KIF5C: variants seen among roughly 807,000 people sequenced by gnomAD.
KIF5C encodes the protein kinesin family member 5C.
Under a neutral mutation model 125.2 loss-of-function variants are expected in KIF5C, and 18 were observed. The observed-to-expected ratio is 0.14, with a 90% CI of 0.10 to 0.21. The LOEUF (loss-of-function observed/expected upper bound fraction) is 0.21, where lower values mean the gene tolerates loss of function less well. Ranked by LOEUF, KIF5C falls within the 10% of genes least tolerant of loss-of-function variation. The probability of loss-of-function intolerance (pLI) is 1.00; values close to 1 mark genes in which losing one functional copy is unlikely to be tolerated. For missense variants in KIF5C, 780 were observed against 1,183.8 expected (o/e 0.66, Z 5.01); for synonymous variants, 405 against 434.0 (o/e 0.93, Z 0.83).
At chr2:148,965,310 C>T (rs1332684533) in intron 11 of KIF5C, among the ~76,000 whole-genome samples, 1 of 152,010 alleles carries the variant, frequency 6.6e-6, no homozygotes, top group Non-Finnish European at 1.5e-5. Flanking sequence ...CTTTGGACTA[C>T]AGAGAAAGAA....
intron 3 of KIF5C, among the ~76,000 whole-genome samples, chr2:148,931,787 C>T (rs1476841499): frequency 1.3e-5 from 2 of 152,220 alleles, no homozygotes; most frequent in African/African-American, 4.8e-5. Context: ...TTCACAATGC[C>T]TGACCAGTGA....
chr2:149,005,857 A>G (rs1236465918), intron 22 of KIF5C, among the ~76,000 whole-genome samples: 2 of 152,196 alleles, frequency 1.3e-5, no homozygotes, highest in East Asian at 3.8e-4. Context: ...AAAGGCCATT[A>G]GGGGCTAGGT....
chr2:149,005,597 A>ATGTT, intron 22 of KIF5C, 133 bp downstream of exon 22: 2 of 1,340,636 alleles, frequency 1.5e-6, no homozygotes, highest in Non-Finnish European at 2.0e-6. Context: ...ACACCAGAGA[A>ATGTT]TGTTATTAAA....
Position 148,896,766 on chromosome 2 carries a change from G to A in KIF5C, c.126+21023G>A, listed in dbSNP as rs139988376. ...TATTCCAGAATTCTGTGATGAGAAC[G>A]TTTTTAGTAGAGCAGCAGTTTTCCA... On this transcript the variant is annotated intron_variant, in intron 1 of 25. Coordinates refer to ENST00000435030, the MANE Select transcript of KIF5C (RefSeq NM_004522.3). Among the ~76,000 whole-genome samples the A allele has an allele frequency of 1.8e-3, 279 of 152,118 alleles. 3 individuals carry two copies. The highest frequency in any genetic ancestry group is 6.3e-3 in the African/African-American group (262 of 41,520).
At chr2:148,934,377 A>G (rs1332407670) in intron 3 of KIF5C, among the ~76,000 whole-genome samples, 3 of 150,936 alleles carry the variant, frequency 2.0e-5, no homozygotes, top group Non-Finnish European at 4.4e-5. Context: ...ACTATATACC[A>G]CACCCCCACA....
chr2:148,895,314 T>A (rs1170325183), intron 1 of KIF5C, among the ~76,000 whole-genome samples: 1 of 152,082 alleles, frequency 6.6e-6, no homozygotes, highest in African/African-American at 2.4e-5. Flanking sequence ...ATTTTTGTAT[T>A]TTTAGTAGAA....
At chr2:148,889,084 A>G (rs1681636299) in intron 1 of KIF5C, among the ~76,000 whole-genome samples, 1 of 152,160 alleles carries the variant, frequency 6.6e-6, no homozygotes, top group Non-Finnish European at 1.5e-5. Flanking sequence ...CCAGAAGCCA[A>G]TTTCCTGGAA....
intron 3 of KIF5C, 21 bp downstream of exon 3, chr2:148,929,375 A>G (rs1349371132): frequency 1.4e-6 from 2 of 1,464,734 alleles, no homozygotes; most frequent in Admixed American, 2.0e-5. Flanking sequence ...AATGTGCTCT[A>G]ATGCGAATCT....
intron 10 of KIF5C, among the ~76,000 whole-genome samples, chr2:148,959,865 G>T (rs1161632989): frequency 6.6e-6 from 1 of 152,116 alleles, no homozygotes. Context: ...GATCATTTTG[G>T]GTTGGCTGTG....
Position 148,875,353 on chromosome 2 carries a change from G to T in KIF5C, c.-265G>T. The stretch of plus-strand genomic sequence containing the variant: ...GCGTGGTCGCGGGCAGGTGGGCCGG[G>T]GGGCGCTGGGCAGGGGCGGGGCAGG... On this transcript the variant is annotated 5_prime_UTR_variant, in exon 1 of 26. Coordinates refer to ENST00000435030, the MANE Select transcript of KIF5C (RefSeq NM_004522.3). 2.9e-6 allele frequency: 1 copy of T among 349,846 alleles called. No individual in the cohort carries two copies. The highest frequency in any genetic ancestry group is 4.6e-5 in the East Asian group (1 of 21,896). 21.7% of individuals were successfully genotyped at this position (349,846 alleles called of 1,614,324 possible).
chr2:148,985,461 G>T (rs1403115978), intron 15 of KIF5C, among the ~76,000 whole-genome samples: 1 of 152,116 alleles, frequency 6.6e-6, no homozygotes, highest in Non-Finnish European at 1.5e-5. Context: ...GCAGTTTCTG[G>T]TCTCTCTATT....
At chr2:148,981,322 A>T (rs780258679) in intron 13 of KIF5C, 33 bp from the exon 14 acceptor site, 2 of 1,569,766 alleles carry the variant, frequency 1.3e-6, no homozygotes, top group African/African-American at 1.4e-5. Flanking sequence ...TGAACATTAG[A>T]TTCACAAGTT....
At chr2:148,980,854 C>T (rs1681214888) in intron 13 of KIF5C, among the ~76,000 whole-genome samples, 1 of 151,952 alleles carries the variant, frequency 6.6e-6, no homozygotes, top group African/African-American at 2.4e-5. Context: ...TATAGGTGTG[C>T]ACCACCACAC....
At chr2:149,021,101 C>T (rs1306344874) in intron 25 of KIF5C, among the ~76,000 whole-genome samples, 1 of 152,182 alleles carries the variant, frequency 6.6e-6, no homozygotes, top group Non-Finnish European at 1.5e-5. Context: ...CTCACTCTGT[C>T]ACCCAGGCTG....
intron 1 of KIF5C, among the ~76,000 whole-genome samples, chr2:148,891,230 A>C: frequency 6.6e-6 from 1 of 152,164 alleles, no homozygotes; most frequent in East Asian, 1.9e-4. Flanking sequence ...ATATTGGCAA[A>C]ATTCCTTTAG....
At chr2:148,985,253 ATTG>A (rs1211875162) in intron 15 of KIF5C, among the ~76,000 whole-genome samples, 1 of 152,210 alleles carries the variant, frequency 6.6e-6, no homozygotes, top group African/African-American at 2.4e-5. Context: ...TAGAAAGGCT[ATTG>A]TTGTTATTAA....
At chr2:148,984,601 C>T (rs1681327759) in intron 15 of KIF5C, among the ~76,000 whole-genome samples, 3 of 152,080 alleles carry the variant, frequency 2.0e-5, no homozygotes, top group African/African-American at 7.2e-5. Flanking sequence ...TTCTTTAATC[C>T]AGGAGGGAAA....
intron 3 of KIF5C, among the ~76,000 whole-genome samples, chr2:148,936,818 T>C (rs1323317822): frequency 6.6e-6 from 1 of 152,214 alleles, no homozygotes; most frequent in Non-Finnish European, 1.5e-5. Flanking sequence ...ATAAGGTTCT[T>C]AGAAATTTTG....
intron 1 of KIF5C, among the ~76,000 whole-genome samples, chr2:148,917,686 C>T (rs1681616009): frequency 6.6e-6 from 1 of 152,198 alleles, no homozygotes; most frequent in Non-Finnish European, 1.5e-5. Flanking sequence ...TATTGTTCTC[C>T]ATAGTCAGTT....
Sources: gnomAD v4.1 joint callset for allele counts (sites outside exome capture counted in the v4.1 genomes callset) on GRCh38, gnomAD v4.1.1 for gene constraint, MANE v1.5 for transcripts, NCBI Gene and HGNC (gene_info 2026-07-23, HGNC 2026-07-21) for gene names.